ATIC: variants seen among roughly 807,000 people sequenced by gnomAD.
ATIC encodes the protein bifunctional purine biosynthesis protein ATIC.
Under a neutral mutation model 72.5 loss-of-function variants are expected in ATIC, and 64 were observed. The ratio of observed to expected loss-of-function variants is 0.88; its 90% CI spans 0.72 to 1.09. ATIC has a LOEUF of 1.09. ATIC is among the 50% of genes least tolerant of loss of function. ATIC has a pLI of 0.00. For synonymous variants in ATIC, 281 were observed against 267.1 expected (o/e 1.05, Z -0.51); for missense variants, 787 against 732.4 (o/e 1.07, Z -0.86).
the ATIC span, among the ~76,000 whole-genome samples, chr2:215,359,940 ATTTATTT>A: frequency 7.0e-6 from 1 of 142,266 alleles, no homozygotes; most frequent in African/African-American, 2.6e-5. Flanking sequence ...TGTCACATTT[ATTTATTT>A]ATGTTTTTTG....
intron 7 of ATIC, among the ~76,000 whole-genome samples, chr2:215,331,706 G>A (rs2052896755): frequency 1.3e-5 from 2 of 151,776 alleles, no homozygotes; most frequent in Admixed American, 1.3e-4. Context: ...ATTAGTGCTG[G>A]CCCACCATTT....
the ATIC span, among the ~76,000 whole-genome samples, chr2:215,359,750 A>C: frequency 6.6e-6 from 1 of 151,864 alleles, no homozygotes; most frequent in South Asian, 2.1e-4. Flanking sequence ...TTTTTTTCAA[A>C]TGAACATGAG....
chr2:215,332,261 CTGTT>C (rs2052903691), intron 7 of ATIC, 117 bp from the exon 8 acceptor site: 4 of 1,352,556 alleles, frequency 3.0e-6, no homozygotes, highest in Middle Eastern at 2.5e-4. Flanking sequence ...TTGTGTGTAT[CTGTT>C]TGGCTCTTAA....
intron 14 of ATIC, chr2:215,347,495 G>T (rs997946398): frequency 9.0e-6 from 4 of 446,842 alleles, no homozygotes; most frequent in African/African-American, 6.1e-5. Context: ...CAGAAGAAAA[G>T]ATCTAGCCCA....
intron 4 of ATIC, among the ~76,000 whole-genome samples, chr2:215,320,795 G>A (rs1449860483): frequency 6.6e-6 from 1 of 152,082 alleles, no homozygotes. Flanking sequence ...TGGTCAGGCT[G>A]CTCTTGGAAC....
At chr2:215,340,383 T>C (rs1049551970) in intron 12 of ATIC, among the ~76,000 whole-genome samples, 1 of 152,168 alleles carries the variant, frequency 6.6e-6, no homozygotes, top group South Asian at 2.1e-4. Context: ...AGTATCTTAA[T>C]TGGGCCTTCA....
the ATIC span, chr2:215,363,788 A>C: frequency 6.6e-6 from 1 of 152,208 alleles, no homozygotes; most frequent in Non-Finnish European, 1.5e-5. Context: ...TTCATTTTGA[A>C]ATTTGAAATC....
intron 4 of ATIC, among the ~76,000 whole-genome samples, chr2:215,320,407 A>G (rs2105997836): frequency 6.6e-6 from 1 of 152,276 alleles, no homozygotes; most frequent in East Asian, 1.9e-4. Flanking sequence ...TCGTGATTCT[A>G]TAGACAGTAC....
At chr2:215,359,602 G>A in the ATIC span, among the ~76,000 whole-genome samples, 11 of 152,208 alleles carry the variant, frequency 7.2e-5, no homozygotes, top group Admixed American at 7.2e-4. Context: ...CAGGGGCTGG[G>A]TCTGTATTTC....
At chr2:215,312,768 G>C (rs2052668187) in intron 2 of ATIC, 144 bp downstream of exon 2, 1 of 1,324,642 alleles carries the variant, frequency 7.5e-7, no homozygotes, top group African/African-American at 1.5e-5. Flanking sequence ...ACTTTATGGG[G>C]AAAAAAAGTG....
At chr2:215,347,160 C>CCT (rs2053080524) in intron 14 of ATIC, 1 of 593,848 alleles carries the variant, frequency 1.7e-6, no homozygotes, top group Non-Finnish European at 2.9e-6. Flanking sequence ...AAACCACAGT[C>CCT]CTCTGTCTTT....
At chr2:215,357,789 T>C in the ATIC span, among the ~76,000 whole-genome samples, 1 of 152,156 alleles carries the variant, frequency 6.6e-6, no homozygotes, top group Non-Finnish European at 1.5e-5. Context: ...TTCTTCTGCT[T>C]TATCAGCCTT....
the ATIC span, chr2:215,365,538 C>T: frequency 1.2e-6 from 2 of 1,614,120 alleles, no homozygotes; most frequent in Non-Finnish European, 1.7e-6. Flanking sequence ...TTTCCGTTCC[C>T]AAGACATGTG....
the ATIC span, among the ~76,000 whole-genome samples, chr2:215,357,645 G>T: frequency 6.6e-6 from 1 of 152,054 alleles, no homozygotes; most frequent in Non-Finnish European, 1.5e-5. Context: ...ATTTATATAG[G>T]TTTCTGTTTG....
chr2:215,365,233 CA>C, the ATIC span, among the ~76,000 whole-genome samples: 1 of 152,204 alleles, frequency 6.6e-6, no homozygotes, highest in African/African-American at 2.4e-5. Context: ...GTTGAATCTA[CA>C]GACCAATAAA....
At chr2:215,316,283 A>T (rs2052708269) in intron 2 of ATIC, among the ~76,000 whole-genome samples, 1 of 152,212 alleles carries the variant, frequency 6.6e-6, no homozygotes, top group South Asian at 2.1e-4. Context: ...AACCCCAGGA[A>T]AAGAAATTTT....
At chr2:215,345,576 C>A (rs1404772) in intron 13 of ATIC, 142,253 of 153,296 alleles carry the variant, frequency 0.93, 66,025 homozygotes, top group East Asian at 1. Context: ...TTTTCTTCAC[C>A]TGGTGTCCTG....
chr2:215,339,020 A>G, intron 12 of ATIC, 113 bp downstream of exon 12: 1 of 1,393,470 alleles, frequency 7.2e-7, no homozygotes, highest in Non-Finnish European at 1.0e-6. Flanking sequence ...CTGTATGCAC[A>G]CGGCTAGCTA....
At chr2:215,339,010 C>A in intron 12 of ATIC, 103 bp downstream of exon 12, 1 of 1,481,886 alleles carries the variant, frequency 6.7e-7, no homozygotes, top group Non-Finnish European at 9.4e-7. Context: ...TGGAACTGGT[C>A]TGTATGCACA....
Sources: gnomAD v4.1 joint callset for allele counts (sites outside exome capture counted in the v4.1 genomes callset) on GRCh38, gnomAD v4.1.1 for gene constraint, MANE v1.5 for transcripts, NCBI Gene and HGNC (gene_info 2026-07-23, HGNC 2026-07-21) for gene names.